Variants in CCSER1 observed in about 807,000 individuals in gnomAD.
CCSER1 encodes serine-rich coiled-coil domain-containing protein 1.
A neutral mutation model predicts 82.0 loss-of-function variants in CCSER1; 41 were observed. The observed-to-expected ratio is 0.50, with a 90% confidence interval of 0.39 to 0.65. CCSER1 has a LOEUF of 0.65. Among genes scored for constraint, CCSER1 ranks in the 30% least tolerant of loss-of-function variants. The pLI is 0.00. For missense variants in CCSER1, 1,119 were observed against 1,064.2 expected (o/e 1.05, Z -0.72); for synonymous variants, 414 against 383.9 (o/e 1.08, Z -0.92).
chr4:91,352,457 A>G (rs183769070), intron 10 of CCSER1, among the ~76,000 whole-genome samples: 26 of 152,242 alleles, frequency 1.7e-4, no homozygotes, highest in Admixed American at 1.4e-3. Context: ...TGTGTTAGCC[A>G]GGATGGTCTA....
At chr4:91,404,197 G>C (rs562668905) in intron 10 of CCSER1, among the ~76,000 whole-genome samples, 1 of 152,070 alleles carries the variant, frequency 6.6e-6, no homozygotes. Flanking sequence ...GGTGTTTATA[G>C]TATTCCCTGA....
intron 8 of CCSER1, among the ~76,000 whole-genome samples, chr4:90,888,912 C>T (rs954637833): frequency 2.6e-5 from 4 of 152,080 alleles, no homozygotes; most frequent in African/African-American, 9.7e-5. Flanking sequence ...TTTTCATTTT[C>T]ATTTGACTAG....
At chr4:90,691,626 A>G (rs13106218) in intron 6 of CCSER1, among the ~76,000 whole-genome samples, 38 of 106,244 alleles carry the variant, frequency 3.6e-4, no homozygotes, top group South Asian at 8.7e-4. Flanking sequence ...ATATATGTGT[A>G]TGTATATATA....
chr4:91,553,981 T>A (rs1361589837), intron 10 of CCSER1, among the ~76,000 whole-genome samples: 1 of 151,276 alleles, frequency 6.6e-6, no homozygotes, highest in Non-Finnish European at 1.5e-5. Flanking sequence ...GCTTATTGTT[T>A]ACTTGAGATC....
intron 8 of CCSER1, among the ~76,000 whole-genome samples, chr4:90,905,647 A>G (rs1725356549): frequency 1.3e-5 from 2 of 152,134 alleles, no homozygotes. Flanking sequence ...GCTTATTGGA[A>G]GTCTATCTCT....
At chr4:90,449,052 A>G (rs1761084874) in intron 4 of CCSER1, among the ~76,000 whole-genome samples, 1 of 152,162 alleles carries the variant, frequency 6.6e-6, no homozygotes, top group South Asian at 2.1e-4. Context: ...ACATCTGTTC[A>G]GCTCTCAGCT....
chr4:90,633,617 A>T (rs1039056405), intron 6 of CCSER1, among the ~76,000 whole-genome samples: 1 of 152,010 alleles, frequency 6.6e-6, no homozygotes, highest in Non-Finnish European at 1.5e-5. Flanking sequence ...TTCACTGAAC[A>T]TCATTGCAAT....
intron 10 of CCSER1, among the ~76,000 whole-genome samples, chr4:91,575,463 T>C (rs540880058): frequency 6.6e-6 from 1 of 152,092 alleles, no homozygotes; most frequent in Non-Finnish European, 1.5e-5. Context: ...GCAAATCATA[T>C]ATCTAATAAG....
At chr4:90,492,107 T>C (rs1768125837) in intron 5 of CCSER1, among the ~76,000 whole-genome samples, 1 of 152,168 alleles carries the variant, frequency 6.6e-6, no homozygotes, top group South Asian at 2.1e-4. Context: ...AGCTCCTCCT[T>C]GTACCTCTGG....
chr4:90,511,780 T>C (rs183750662), intron 5 of CCSER1, among the ~76,000 whole-genome samples: 41 of 152,200 alleles, frequency 2.7e-4, no homozygotes, highest in Admixed American at 2.6e-3. Context: ...AGAAAATAAT[T>C]GATGAGAGAG....
intron 10 of CCSER1, among the ~76,000 whole-genome samples, chr4:91,413,900 T>C (rs928414372): frequency 2.0e-5 from 3 of 151,876 alleles, no homozygotes; most frequent in African/African-American, 7.3e-5. Context: ...TTAAAATTGC[T>C]GAAAGAAAAA....
intron 9 of CCSER1, among the ~76,000 whole-genome samples, chr4:91,077,323 T>C (rs1722105228): frequency 1.3e-5 from 2 of 152,194 alleles, no homozygotes; most frequent in African/African-American, 4.8e-5. Flanking sequence ...CTTAACTGCC[T>C]GCCAGGAACA....
chr4:91,081,512 A>T (rs1178547649), intron 9 of CCSER1, among the ~76,000 whole-genome samples: 1 of 152,204 alleles, frequency 6.6e-6, no homozygotes, highest in Non-Finnish European at 1.5e-5. Flanking sequence ...CAAAACAGGG[A>T]TGCCCTCTCT....
intron 3 of CCSER1, among the ~76,000 whole-genome samples, chr4:90,360,260 G>C (rs1183747279): frequency 1.3e-5 from 2 of 148,848 alleles, no homozygotes; most frequent in Admixed American, 1.3e-4. Context: ...CAGACGTGGT[G>C]GCTCACGCCT....
chr4:90,138,198 A>T (rs1724045952), intron 1 of CCSER1, among the ~76,000 whole-genome samples: 2 of 152,170 alleles, frequency 1.3e-5, no homozygotes, highest in Non-Finnish European at 1.5e-5. Context: ...TTTCTTTTTT[A>T]AATTTTTTTT....
At chr4:91,546,146 T>G (rs926328015) in intron 10 of CCSER1, among the ~76,000 whole-genome samples, 1 of 152,080 alleles carries the variant, frequency 6.6e-6, no homozygotes, top group Non-Finnish European at 1.5e-5. Context: ...CTTAATATGG[T>G]GTATATTTTT....
chr4:90,380,973 C>T (rs1277593918), intron 3 of CCSER1, among the ~76,000 whole-genome samples: 1 of 152,178 alleles, frequency 6.6e-6, no homozygotes, highest in Non-Finnish European at 1.5e-5. Context: ...TGCGGGAGCA[C>T]AAAGATGGGC....
chr4:91,074,553 A>T (rs1200190649), intron 9 of CCSER1, among the ~76,000 whole-genome samples: 1 of 152,154 alleles, frequency 6.6e-6, no homozygotes, highest in Non-Finnish European at 1.5e-5. Flanking sequence ...AGTTTTTAAG[A>T]CTATGATTTA....
chr4:91,462,068 TA>T (rs1456224848), intron 10 of CCSER1, among the ~76,000 whole-genome samples: 1 of 152,130 alleles, frequency 6.6e-6, no homozygotes, highest in Non-Finnish European at 1.5e-5. Flanking sequence ...TAAAAAGATG[TA>T]AGGGGAAATG....
Sources: allele counts gnomAD v4.1 joint callset (sites outside exome capture counted in the v4.1 genomes callset), GRCh38; gene constraint gnomAD v4.1.1; transcripts MANE v1.5; gene names NCBI Gene and HGNC (gene_info 2026-07-23, HGNC 2026-07-21).